Variants in ARHGAP15 observed in about 807,000 individuals in gnomAD.
ARHGAP15 encodes Rho GTPase activating protein 15.
ARHGAP15 carries 51 observed loss-of-function variants against 63.7 expected under a neutral mutation model. The ratio of observed to expected loss-of-function variants is 0.80; its 90% CI spans 0.64 to 1.01. The LOEUF (loss-of-function observed/expected upper bound fraction) is 1.01. Among genes scored for constraint, ARHGAP15 ranks in the 50% least tolerant of loss-of-function variants. The probability of loss-of-function intolerance (pLI) is 0.00; values close to 1 mark genes in which losing one functional copy is unlikely to be tolerated. For synonymous variants in ARHGAP15, 191 were observed against 193.8 expected (o/e 0.99, Z 0.12); for missense variants, 560 against 564.6 (o/e 0.99, Z 0.08).
chr2:143,168,370 G>A (rs1690633873), intron 2 of ARHGAP15, among the ~76,000 whole-genome samples: 1 of 151,788 alleles, frequency 6.6e-6, no homozygotes, highest in Non-Finnish European at 1.5e-5. Context: ...GTAGAAACGG[G>A]GTCTTGCTGT....
chr2:143,532,234 C>T (rs1042796705), intron 10 of ARHGAP15, among the ~76,000 whole-genome samples: 1 of 152,190 alleles, frequency 6.6e-6, no homozygotes, highest in African/African-American at 2.4e-5. Flanking sequence ...ATTTTACAGG[C>T]ATAACTTCCA....
intron 4 of ARHGAP15, among the ~76,000 whole-genome samples, chr2:143,223,869 C>A (rs1454310504): frequency 6.6e-6 from 1 of 152,180 alleles, no homozygotes; most frequent in Non-Finnish European, 1.5e-5. Context: ...AGGATGCAAC[C>A]TTACTGGGCT....
intron 8 of ARHGAP15, among the ~76,000 whole-genome samples, chr2:143,452,939 G>A (rs1445082629): frequency 2.0e-5 from 3 of 151,836 alleles, no homozygotes; most frequent in South Asian, 2.1e-4. Flanking sequence ...TTTTACCCAA[G>A]GACAATTACT....
chr2:143,765,353 G>A (rs1686913655), intron 13 of ARHGAP15, among the ~76,000 whole-genome samples: 1 of 152,078 alleles, frequency 6.6e-6, no homozygotes. Flanking sequence ...CTACAGACAG[G>A]AGGATGCTTA....
chr2:143,746,762 C>T (rs1686180943), intron 13 of ARHGAP15, among the ~76,000 whole-genome samples: 1 of 152,120 alleles, frequency 6.6e-6, no homozygotes, highest in Admixed American at 6.6e-5. Flanking sequence ...GTAATACAAT[C>T]TGAATGCTTA....
At chr2:143,547,430 A>T (rs567305718) in intron 10 of ARHGAP15, among the ~76,000 whole-genome samples, 10 of 152,086 alleles carry the variant, frequency 6.6e-5, no homozygotes, top group African/African-American at 2.2e-4. Flanking sequence ...ATTAAATTAG[A>T]TGTATAGAGG....
chr2:143,699,555 A>G (rs1284633825), intron 12 of ARHGAP15, among the ~76,000 whole-genome samples: 1 of 152,236 alleles, frequency 6.6e-6, no homozygotes, highest in East Asian at 1.9e-4. Flanking sequence ...AAGGATACTT[A>G]TACATAACTG....
chr2:143,390,160 A>T (rs1352035670), intron 6 of ARHGAP15, among the ~76,000 whole-genome samples: 1 of 152,150 alleles, frequency 6.6e-6, no homozygotes. Context: ...GGCATATTAT[A>T]TTAAAATTTA....
intron 11 of ARHGAP15, among the ~76,000 whole-genome samples, chr2:143,617,398 C>T (rs965292582): frequency 6.6e-6 from 1 of 152,142 alleles, no homozygotes; most frequent in African/African-American, 2.4e-5. Context: ...CCTCACAGTT[C>T]TAAAGGCTGG....
At chr2:143,659,837 G>T (rs955530944) in intron 12 of ARHGAP15, among the ~76,000 whole-genome samples, 1 of 152,064 alleles carries the variant, frequency 6.6e-6, no homozygotes, top group Non-Finnish European at 1.5e-5. Flanking sequence ...ACTAGTTTCT[G>T]TGTTCTGCCC....
intron 6 of ARHGAP15, among the ~76,000 whole-genome samples, chr2:143,326,670 G>A (rs1158981437): frequency 6.6e-6 from 1 of 152,148 alleles, no homozygotes; most frequent in Non-Finnish European, 1.5e-5. Flanking sequence ...CTGAGTGTAT[G>A]CATTCCTGAC....
At chr2:143,763,706 A>ATATGTGTATGTATATG (rs1215257681) in intron 13 of ARHGAP15, among the ~76,000 whole-genome samples, 10 of 129,098 alleles carry the variant, frequency 7.7e-5, no homozygotes, top group African/African-American at 2.9e-4. Context: ...ATGTGTATGT[A>ATATGTGTATGTATATG]TATGTGTATG....
Position 143,704,379 on chromosome 2 carries a change from G to C in ARHGAP15, c.1244+855G>C, listed in dbSNP as rs560713357. Among the ~76,000 whole-genome samples, 8 of 152,282 alleles carry C rather than the reference G, an allele frequency of 5.3e-5. No individual in the cohort carries two copies. In the East Asian group the frequency reaches 1.5e-3, roughly 29 times the overall value. On this transcript the variant is annotated intron_variant, in intron 13 of 13. Coordinates refer to ENST00000295095, the MANE Select transcript of ARHGAP15 (RefSeq NM_018460.4). The stretch of plus-strand genomic sequence containing the variant: ...GTGGCTTGAGTGGAGCCCTCAGAGA[G>C]AAATGGGTAGAGATATTGTGGAGAT...
Position 143,155,448 on chromosome 2 carries a change from A to G in ARHGAP15, c.-14-29A>G, listed in dbSNP as rs907226864. 2.0e-6 allele frequency: 3 copies of G among 1,510,096 alleles called. No individual in the cohort carries two copies. The African/African-American group carries it at 4.3e-5, about 22-fold the overall frequency. 93.5% of individuals were successfully genotyped at this position (1,510,096 alleles called of 1,614,324 possible). A position where few individuals can be genotyped will look rare whatever the true frequency, so the allele number is the denominator to read the frequency against. ...TTTCATGGAAAATTGTATGTTTAGA[A>G]TAACATAATACATTTTATATTTTAT... On this transcript the variant is annotated intron_variant, in intron 1 of 13. Coordinates refer to ENST00000295095, the MANE Select transcript of ARHGAP15 (RefSeq NM_018460.4).
intron 10 of ARHGAP15, among the ~76,000 whole-genome samples, chr2:143,538,694 A>C (rs923908019): frequency 6.6e-6 from 1 of 152,090 alleles, no homozygotes; most frequent in African/African-American, 2.4e-5. Flanking sequence ...ATTGATTTTC[A>C]TATGTTGAAC....
chr2:143,515,779 A>C (rs1311649372), intron 9 of ARHGAP15, among the ~76,000 whole-genome samples: 1 of 152,176 alleles, frequency 6.6e-6, no homozygotes, highest in Non-Finnish European at 1.5e-5. Context: ...TATATGTAGA[A>C]AATCAATGGT....
intron 6 of ARHGAP15, among the ~76,000 whole-genome samples, chr2:143,279,156 GTTA>G (rs1160324186): frequency 6.6e-6 from 1 of 152,100 alleles, no homozygotes; most frequent in African/African-American, 2.4e-5. Flanking sequence ...TGTAAAAGAT[GTTA>G]TTATTTCTAG....
intron 6 of ARHGAP15, among the ~76,000 whole-genome samples, chr2:143,361,460 A>G (rs1686050823): frequency 6.6e-6 from 1 of 152,202 alleles, no homozygotes; most frequent in Non-Finnish European, 1.5e-5. Flanking sequence ...GAATTGTCAG[A>G]AGTTGCATCT....
intron 1 of ARHGAP15, among the ~76,000 whole-genome samples, chr2:143,144,570 C>G (rs1689502538): frequency 6.6e-6 from 1 of 152,000 alleles, no homozygotes; most frequent in Non-Finnish European, 1.5e-5. Flanking sequence ...TATTTTCCAG[C>G]AATATTTATG....
Sources: gnomAD v4.1 joint callset for allele counts (sites outside exome capture counted in the v4.1 genomes callset) on GRCh38, gnomAD v4.1.1 for gene constraint, MANE v1.5 for transcripts, NCBI Gene and HGNC (gene_info 2026-07-23, HGNC 2026-07-21) for gene names.